RNF150: variants seen among roughly 807,000 people sequenced by gnomAD.
RNF150 encodes the protein ring finger protein 150.
A neutral mutation model predicts 39.3 loss-of-function variants in RNF150; 24 were observed. The observed-to-expected ratio is 0.61, with a 90% CI of 0.44 to 0.86. The LOEUF (loss-of-function observed/expected upper bound fraction) is 0.86, where lower values mean the gene tolerates loss of function less well. Among genes scored for constraint, RNF150 ranks in the 40% least tolerant of loss-of-function variants. The pLI, the probability that RNF150 is intolerant of heterozygous loss-of-function variation, is 0.00. For missense variants in RNF150, 502 were observed against 587.8 expected, an observed-to-expected ratio of 0.85 and a Z score of 1.51; for synonymous variants, 255 against 227.3, an observed-to-expected ratio of 1.12 and a Z score of -1.10.
At chr4:140,981,717 C>G (rs559956007) in intron 1 of RNF150, among the ~76,000 whole-genome samples, 1 of 152,258 alleles carries the variant, frequency 6.6e-6, no homozygotes, top group South Asian at 2.1e-4. Flanking sequence ...ACCTGTGATG[C>G]TGTGTTTTGT....
chr4:140,901,095 T>C (rs1010747740), intron 6 of RNF150, among the ~76,000 whole-genome samples: 1 of 152,046 alleles, frequency 6.6e-6, no homozygotes, highest in African/African-American at 2.4e-5. Context: ...GTAGATGGTA[T>C]AAAACAAAAA....
chr4:141,167,332 G>A (rs1312082299), intron 1 of RNF150, among the ~76,000 whole-genome samples: 1 of 152,134 alleles, frequency 6.6e-6, no homozygotes, highest in African/African-American at 2.4e-5. Context: ...CATGCTCATG[G>A]ATTGGAAGAA....
intron 1 of RNF150, among the ~76,000 whole-genome samples, chr4:141,191,984 A>C (rs371475147): frequency 6.6e-6 from 1 of 151,982 alleles, no homozygotes. Flanking sequence ...CCTAATTCCC[A>C]TCCTCAGATT....
intron 1 of RNF150, among the ~76,000 whole-genome samples, chr4:141,088,352 G>A (rs772714909): frequency 2.6e-5 from 4 of 152,168 alleles, no homozygotes; most frequent in Non-Finnish European, 5.9e-5. Flanking sequence ...TAGGTTATCA[G>A]AATGATCAGA....
intron 1 of RNF150, among the ~76,000 whole-genome samples, chr4:141,195,862 T>C (rs1382124341): frequency 6.6e-6 from 1 of 152,150 alleles, no homozygotes; most frequent in Non-Finnish European, 1.5e-5. Context: ...TGTGAAGTAG[T>C]CTGGGAAACT....
chr4:141,181,461 A>G (rs1387888778), intron 1 of RNF150, among the ~76,000 whole-genome samples: 2 of 152,206 alleles, frequency 1.3e-5, no homozygotes, highest in Non-Finnish European at 2.9e-5. Flanking sequence ...CTGAAAGCTG[A>G]GCAATTTTAT....
chr4:141,163,598 A>G (rs984418076), intron 1 of RNF150, among the ~76,000 whole-genome samples: 2 of 152,216 alleles, frequency 1.3e-5, no homozygotes, highest in Non-Finnish European at 2.9e-5. Context: ...TGAAGCTTCC[A>G]GAGGAAGGAG....
At chr4:141,157,480 T>C (rs946541521) in intron 1 of RNF150, among the ~76,000 whole-genome samples, 3 of 152,152 alleles carry the variant, frequency 2.0e-5, no homozygotes, top group African/African-American at 4.8e-5. Flanking sequence ...TAAGGGAGAA[T>C]TGGGAAGCAA....
chr4:141,172,924 C>A (rs539907357), intron 1 of RNF150, among the ~76,000 whole-genome samples: 1 of 151,992 alleles, frequency 6.6e-6, no homozygotes, highest in Admixed American at 6.6e-5. Context: ...TACTAGGGAG[C>A]CTGAGGCAGG....
intron 1 of RNF150, among the ~76,000 whole-genome samples, chr4:141,110,269 A>C (rs940451036): frequency 2.0e-5 from 3 of 152,196 alleles, no homozygotes; most frequent in Non-Finnish European, 4.4e-5. Context: ...CAGACCCGAG[A>C]GGAATCTGGG....
intron 1 of RNF150, among the ~76,000 whole-genome samples, chr4:141,159,482 G>T (rs1279444740): frequency 6.6e-6 from 1 of 152,040 alleles, no homozygotes; most frequent in Admixed American, 6.6e-5. Flanking sequence ...CAAGATTTGG[G>T]CTGTGGGCTA....
chr4:140,956,042 C>A (rs1406908298), intron 2 of RNF150, among the ~76,000 whole-genome samples: 1 of 152,098 alleles, frequency 6.6e-6, no homozygotes, highest in Non-Finnish European at 1.5e-5. Flanking sequence ...CCTGGATTAG[C>A]CTCAAAGGCA....
intron 1 of RNF150, among the ~76,000 whole-genome samples, chr4:141,002,524 C>G (rs767494960): frequency 1.2e-4 from 18 of 152,174 alleles, no homozygotes; most frequent in Non-Finnish European, 2.2e-4. Flanking sequence ...AAATACTTCC[C>G]CTGTGAGTTG....
intron 6 of RNF150, among the ~76,000 whole-genome samples, chr4:140,910,587 C>A (rs1006742196): frequency 1.3e-5 from 2 of 149,892 alleles, no homozygotes; most frequent in Admixed American, 6.7e-5. Flanking sequence ...GTGTCTCTTG[C>A]AGATATGGCC....
At chr4:141,081,187 A>G (rs951497968) in intron 1 of RNF150, among the ~76,000 whole-genome samples, 2 of 152,180 alleles carry the variant, frequency 1.3e-5, no homozygotes, top group African/African-American at 4.8e-5. Flanking sequence ...TATTTTACAA[A>G]AAACCCTATC....
intron 1 of RNF150, among the ~76,000 whole-genome samples, chr4:141,127,918 C>G (rs941247027): frequency 6.6e-6 from 1 of 152,158 alleles, no homozygotes; most frequent in Non-Finnish European, 1.5e-5. Context: ...CAGACTACCA[C>G]GTTTATCATA....
At chr4:141,086,350 A>G (rs1738366724) in intron 1 of RNF150, among the ~76,000 whole-genome samples, 1 of 152,130 alleles carries the variant, frequency 6.6e-6, no homozygotes, top group Non-Finnish European at 1.5e-5. Flanking sequence ...AAGATCTACC[A>G]TGTAGGTATA....
chr4:140,968,553 G>C (rs1002551397), intron 1 of RNF150, among the ~76,000 whole-genome samples: 2 of 151,674 alleles, frequency 1.3e-5, no homozygotes, highest in Non-Finnish European at 2.9e-5. Flanking sequence ...GAGAAGTATG[G>C]TGCAATGTTT....
chr4:140,935,400 C>T (rs1731824632), intron 4 of RNF150, among the ~76,000 whole-genome samples: 1 of 151,906 alleles, frequency 6.6e-6, no homozygotes, highest in East Asian at 1.9e-4. Flanking sequence ...TTGGCTGGGG[C>T]AGCAAAGCTA....
Sources: allele counts gnomAD v4.1 joint callset (sites outside exome capture counted in the v4.1 genomes callset), GRCh38; gene constraint gnomAD v4.1.1; transcripts MANE v1.5; gene names NCBI Gene and HGNC (gene_info 2026-07-23, HGNC 2026-07-21).